Variants in SMYD4 observed in about 807,000 individuals in gnomAD.
SMYD4 encodes the protein protein-lysine N-methyltransferase SMYD4.
Under a neutral mutation model 72.8 loss-of-function variants are expected in SMYD4, and 68 were observed. The ratio of observed to expected loss-of-function variants is 0.93; its 90% confidence interval spans 0.77 to 1.14. SMYD4 has a LOEUF of 1.14. Among genes scored for constraint, SMYD4 ranks in the 50% most tolerant of loss-of-function variants. The pLI, the probability that SMYD4 is intolerant of heterozygous loss-of-function variation, is 0.00. For missense variants in SMYD4, 984 were observed against 1,003.7 expected (o/e 0.98, Z 0.27); for synonymous variants, 407 against 388.6 (o/e 1.05, Z -0.56).
At position 1,786,830 on chromosome 17, in the gene SMYD4, T is replaced by G. The variant is rs746368081; in HGVS notation, c.1864A>C (p.Ser622Arg). ...GPRWEAFCCN[S>R]CGAPMQGDDV... The stretch of plus-strand genomic sequence containing the variant: ...ATTACCTGCATGGGCGCTCCGCAAC[T>G]GTTGCAACAGAATGCTTCCCACCTG... The change falls in exon 7 of 11, where the codon AGT becomes CGT. Residue 622 changes from serine to arginine, a missense_variant. Physicochemically the swap from Ser to Arg is moderately radical, Grantham distance 110. Transcript: ENST00000305513. 3 of 1,614,246 alleles carry G rather than the reference T, an allele frequency of 1.9e-6. No individual in the cohort carries two copies. Among genetic ancestry groups the G allele is most frequent in the Non-Finnish European group, 2.5e-6 (3 of 1,180,042 alleles).
At chr17:1,824,623 A>T (rs9913437) in intron 2 of SMYD4, among the ~76,000 whole-genome samples, 28,414 of 151,538 alleles carry the variant, frequency 0.19, 2,752 homozygotes, top group Middle Eastern at 0.2. Flanking sequence ...ATTTATATTT[A>T]TATTTTTATT....
At chr17:1,828,950 C>A (rs1279905238) in intron 1 of SMYD4, among the ~76,000 whole-genome samples, 1 of 147,756 alleles carries the variant, frequency 6.8e-6, no homozygotes, top group African/African-American at 2.5e-5. Flanking sequence ...TTCTCACCCA[C>A]CCCAGCAACT....
rs760473083 is a variant in SMYD4, at chr17:1,800,557, G to A, written c.837C>T (p.His279=). ...LNPGELPPPH[H]GLDSKWDTRV... ...TGGTGTCCCATTTGCTGTCTAGGCC[G>A]TGATGCGGTGGTGGCAGTTCTCCTG... Residue 279 remains histidine (H), a synonymous_variant, in exon 5 of 11, where the codon CAC becomes CAT. Coordinates refer to ENST00000305513, the MANE Select transcript of SMYD4 (RefSeq NM_052928.3). 3.2e-5 allele frequency: 51 copies of A among 1,614,086 alleles called. No homozygotes were observed. The highest frequency in any genetic ancestry group is 1.6e-4 in the Middle Eastern group (1 of 6,084).
intron 2 of SMYD4, among the ~76,000 whole-genome samples, chr17:1,825,707 T>A (rs562520001): frequency 1.6e-4 from 24 of 152,050 alleles, no homozygotes; most frequent in Non-Finnish European, 2.6e-4. Flanking sequence ...AGAGATGGAA[T>A]CTCACTATGT....
At chr17:1,797,655 G>A (rs1022183883) in intron 5 of SMYD4, among the ~76,000 whole-genome samples, 1 of 152,188 alleles carries the variant, frequency 6.6e-6, no homozygotes, top group Admixed American at 6.5e-5. Context: ...TAGAAGAATG[G>A]GAAATATCTC....
chr17:1,788,423 CT>C (rs1908820547), intron 5 of SMYD4, among the ~76,000 whole-genome samples: 1 of 151,838 alleles, frequency 6.6e-6, no homozygotes, highest in South Asian at 2.1e-4. Context: ...CTTTTTTGGT[CT>C]TTTCAGGCCC....
Position 1,829,848 on chromosome 17 carries a change from T to C in SMYD4, c.-135A>G, listed in dbSNP as rs1050348238. ...CCTGGCGCGCCCCTTGGCGCCCCGCTCCGCCCCGCACCGCGTCCGGCGTCC... is the reference window on the plus strand; with the variant it reads ...CCTGGCGCGCCCCTTGGCGCCCCGCCCCGCCCCGCACCGCGTCCGGCGTCC... On this transcript the variant is annotated 5_prime_UTR_variant, in exon 1 of 11. Coordinates refer to ENST00000305513, the MANE Select transcript of SMYD4 (RefSeq NM_052928.3). 1.6e-5 allele frequency: 5 copies of C among 315,958 alleles called. No homozygotes were observed. The highest frequency in any genetic ancestry group is 5.5e-5 in the East Asian group (1 of 18,032). The allele number at this position is 315,958 out of a possible 1,614,324, so 19.6% of individuals were successfully genotyped here. A position where few individuals can be genotyped will look rare whatever the true frequency, so the allele number is the denominator to read the frequency against.
intron 10 of SMYD4, 115 bp downstream of exon 10, chr17:1,782,920 A>G (rs1908440845): frequency 1.4e-6 from 2 of 1,461,110 alleles, no homozygotes; most frequent in East Asian, 4.6e-5. Context: ...TCTCTCCTAA[A>G]GAGGAAATAA....
chr17:1,825,510 T>TC, intron 2 of SMYD4, among the ~76,000 whole-genome samples: 1 of 84,004 alleles, frequency 1.2e-5, no homozygotes, highest in East Asian at 2.7e-4. Flanking sequence ...TCATTTTCTT[T>TC]CTTTTTTTTT....
At chr17:1,808,747 C>T (rs929945766) in intron 3 of SMYD4, among the ~76,000 whole-genome samples, 3 of 152,140 alleles carry the variant, frequency 2.0e-5, no homozygotes, top group African/African-American at 7.2e-5. Flanking sequence ...CCCATGTGAT[C>T]ACATTTATGA....
At chr17:1,826,320 C>G (rs1427389036) in intron 2 of SMYD4, among the ~76,000 whole-genome samples, 1 of 151,886 alleles carries the variant, frequency 6.6e-6, no homozygotes, top group Non-Finnish European at 1.5e-5. Context: ...TGGCGAAACT[C>G]CATCTCTATT....
At chr17:1,793,388 CTGAG>C (rs934296208) in intron 5 of SMYD4, among the ~76,000 whole-genome samples, 2 of 151,612 alleles carry the variant, frequency 1.3e-5, no homozygotes, top group African/African-American at 4.8e-5. Flanking sequence ...TTTGGCTCAG[CTGAG>C]TATTTTTTTT....
At chr17:1,805,340 C>A (rs59577010) in intron 3 of SMYD4, among the ~76,000 whole-genome samples, 54,608 of 151,896 alleles carry the variant, frequency 0.36, 11,235 homozygotes, top group African/African-American at 0.57. Context: ...ATGGCTTGAA[C>A]CTGGGAGGTG....
intron 3 of SMYD4, among the ~76,000 whole-genome samples, chr17:1,810,291 T>G (rs959271002): frequency 3.9e-5 from 6 of 152,084 alleles, no homozygotes; most frequent in African/African-American, 1.4e-4. Context: ...AATTACTTTT[T>G]TTTTTTTGAG....
chr17:1,816,873 G>C (rs1231931066), intron 2 of SMYD4, among the ~76,000 whole-genome samples: 1 of 151,920 alleles, frequency 6.6e-6, no homozygotes, highest in African/African-American at 2.4e-5. Flanking sequence ...CTTCTTTGGA[G>C]AAATGAGTCA....
At chr17:1,817,119 C>A (rs1406975697) in intron 2 of SMYD4, among the ~76,000 whole-genome samples, 2 of 151,690 alleles carry the variant, frequency 1.3e-5, no homozygotes, top group African/African-American at 4.8e-5. Context: ...GCCACTGCAA[C>A]CTCCGCCTCC....
At chr17:1,788,932 G>A (rs1195870894) in intron 5 of SMYD4, among the ~76,000 whole-genome samples, 1 of 152,148 alleles carries the variant, frequency 6.6e-6, no homozygotes, top group Non-Finnish European at 1.5e-5. Context: ...ATTATCTTCA[G>A]TAGTCTCAAT....
At chr17:1,787,279 T>G in intron 6 of SMYD4, 143 bp downstream of exon 6, 1 of 1,092,072 alleles carries the variant, frequency 9.2e-7, no homozygotes, top group Non-Finnish European at 1.3e-6. Context: ...CTCCCTTCCT[T>G]GTTTTTGGCC....
intron 2 of SMYD4, among the ~76,000 whole-genome samples, chr17:1,821,671 C>T (rs1230631517): frequency 6.6e-6 from 1 of 152,150 alleles, no homozygotes; most frequent in African/African-American, 2.4e-5. Flanking sequence ...TGGCTCACAC[C>T]TGTAATCCCA....
Sources: allele counts gnomAD v4.1 joint callset (sites outside exome capture counted in the v4.1 genomes callset), GRCh38; gene constraint gnomAD v4.1.1; transcripts MANE v1.5; gene names NCBI Gene and HGNC (gene_info 2026-07-23, HGNC 2026-07-21).